Variants in TIAM1 observed in about 807,000 individuals in gnomAD.
TIAM1 encodes TIAM Rac1 associated GEF 1.
In TIAM1, 65 loss-of-function variants were observed where a neutral mutation model predicts 163.5. The ratio of observed to expected loss-of-function variants is 0.40; its 90% CI spans 0.33 to 0.49. The LOEUF is 0.49. Among genes scored for constraint, TIAM1 ranks in the 20% least tolerant of loss-of-function variants. The pLI, the probability that TIAM1 is intolerant of heterozygous loss-of-function variation, is 0.77. For synonymous variants in TIAM1, 833 were observed against 810.1 expected (o/e 1.03, Z -0.48); for missense variants, 1,789 against 2,044.7 (o/e 0.87, Z 2.41).
At chr21:31,241,179 G>A (rs143140102) in intron 6 of TIAM1, among the ~76,000 whole-genome samples, 3 of 152,132 alleles carry the variant, frequency 2.0e-5, no homozygotes, top group African/African-American at 7.2e-5. Flanking sequence ...ACCCAGTCTC[G>A]GGTATGTCTT....
At chr21:31,358,784 T>G (rs1189699642) in intron 2 of TIAM1, among the ~76,000 whole-genome samples, 1 of 152,190 alleles carries the variant, frequency 6.6e-6, no homozygotes, top group Non-Finnish European at 1.5e-5. Context: ...ACTCTTGTCC[T>G]TCTACAATCC....
intron 1 of TIAM1, among the ~76,000 whole-genome samples, chr21:31,511,740 G>C (rs2047216752): frequency 6.6e-6 from 1 of 152,176 alleles, no homozygotes; most frequent in Non-Finnish European, 1.5e-5. Flanking sequence ...ATTCACCAAA[G>C]TTCCAGGAAG....
At chr21:31,311,246 G>T (rs929574968) in intron 2 of TIAM1, among the ~76,000 whole-genome samples, 2 of 152,114 alleles carry the variant, frequency 1.3e-5, no homozygotes, top group African/African-American at 4.8e-5. Flanking sequence ...CCCTCCAAAG[G>T]GGAGCAGGAG....
intron 8 of TIAM1, among the ~76,000 whole-genome samples, chr21:31,221,119 G>T (rs2087531139): frequency 6.6e-6 from 1 of 152,056 alleles, no homozygotes; most frequent in Admixed American, 6.6e-5. Flanking sequence ...AAATCCCAGG[G>T]GTCAAATGAC....
At chr21:31,528,697 C>T (rs1367254809) in intron 1 of TIAM1, among the ~76,000 whole-genome samples, 2 of 149,010 alleles carry the variant, frequency 1.3e-5, no homozygotes, top group Non-Finnish European at 3.0e-5. Context: ...CCCAGCTACT[C>T]GGGAGGCTGA....
At chr21:31,190,601 G>C (rs956785300) in intron 13 of TIAM1, among the ~76,000 whole-genome samples, 2 of 152,244 alleles carry the variant, frequency 1.3e-5, no homozygotes, top group African/African-American at 2.4e-5. Flanking sequence ...AATAGTACTA[G>C]AAGTACCCAG....
intron 2 of TIAM1, among the ~76,000 whole-genome samples, chr21:31,281,857 G>A (rs1042577948): frequency 2.0e-5 from 3 of 152,040 alleles, no homozygotes; most frequent in African/African-American, 7.2e-5. Context: ...TAATTGATGG[G>A]TGGTAGGTGG....
At chr21:31,202,720 A>C (rs2086262688) in intron 12 of TIAM1, among the ~76,000 whole-genome samples, 188 bp downstream of exon 12, 1 of 152,240 alleles carries the variant, frequency 6.6e-6, no homozygotes, top group Non-Finnish European at 1.5e-5. Context: ...TCGTGCGTAA[A>C]CAAAGGTGAT....
At chr21:31,187,298 T>A (rs374394550) in intron 13 of TIAM1, among the ~76,000 whole-genome samples, 3 of 152,354 alleles carry the variant, frequency 2.0e-5, no homozygotes, top group South Asian at 4.1e-4. Context: ...TATGTACGTC[T>A]ATCTTCATAT....
chr21:31,286,450 G>A (rs2073812221), intron 2 of TIAM1, among the ~76,000 whole-genome samples: 2 of 152,034 alleles, frequency 1.3e-5, no homozygotes, highest in Admixed American at 6.6e-5. Flanking sequence ...GCTCATGCCT[G>A]CAATCTTAGC....
At chr21:31,193,570 T>G (rs776412692) in intron 13 of TIAM1, among the ~76,000 whole-genome samples, 11 of 152,184 alleles carry the variant, frequency 7.2e-5, no homozygotes, top group Non-Finnish European at 1.0e-4. Context: ...TCCCCTAGAC[T>G]TCACTCCATG....
intron 2 of TIAM1, among the ~76,000 whole-genome samples, chr21:31,334,080 T>C (rs2075765593): frequency 6.6e-6 from 1 of 152,234 alleles, no homozygotes; most frequent in Non-Finnish European, 1.5e-5. Context: ...CTTATGGCTA[T>C]AGGCTTTTCC....
At position 31,252,053 on chromosome 21, in the gene TIAM1, C is replaced by A. The variant is rs2071841595; in HGVS notation, c.1100G>T (p.Gly367Val). ...YSPTTGRAFV[G>V]SDSGSSSTGD... Reference sequence around the variant, plus strand: ...GGTGGAGCTGCTGCCGCTGTCGCTGCCCACAAAGGCCCGGCCTGTGGTGGG... The same window carrying A: ...GGTGGAGCTGCTGCCGCTGTCGCTGACCACAAAGGCCCGGCCTGTGGTGGG... Residue 367 changes from glycine (G) to valine (V), a missense_variant, in exon 5 of 28, where the codon GGC becomes GTC. Transcript: ENST00000541036. The A allele has an allele frequency of 5.0e-6, 8 of 1,614,078 alleles. No homozygotes were observed. The highest frequency in any genetic ancestry group is 5.1e-6 in the Non-Finnish European group (6 of 1,180,042).
chr21:31,410,384 G>GT (rs755053268), intron 2 of TIAM1, among the ~76,000 whole-genome samples: 5 of 151,922 alleles, frequency 3.3e-5, no homozygotes, highest in Non-Finnish European at 7.4e-5. Context: ...AAGAGTGTGT[G>GT]TGACGGTACG....
chr21:31,173,070 C>A (rs2084591603), intron 15 of TIAM1, among the ~76,000 whole-genome samples: 1 of 152,098 alleles, frequency 6.6e-6, no homozygotes, highest in African/African-American at 2.4e-5. Context: ...CATATTAGTG[C>A]AGTTTACATT....
intron 2 of TIAM1, among the ~76,000 whole-genome samples, chr21:31,434,817 C>G (rs1300116637): frequency 6.6e-6 from 1 of 152,218 alleles, no homozygotes; most frequent in African/African-American, 2.4e-5. Context: ...TCTGTGTTAA[C>G]AGCTTGGCCG....
At chr21:31,469,317 T>C (rs1002647747) in intron 1 of TIAM1, among the ~76,000 whole-genome samples, 1 of 151,692 alleles carries the variant, frequency 6.6e-6, no homozygotes, top group Admixed American at 6.6e-5. Context: ...CCCAGGCTGG[T>C]CTCAAACTCC....
At chr21:31,250,356 T>C (rs753841495) in intron 5 of TIAM1, among the ~76,000 whole-genome samples, 1 of 152,168 alleles carries the variant, frequency 6.6e-6, no homozygotes, top group Non-Finnish European at 1.5e-5. Context: ...CTCTGGCACA[T>C]GCAGCAAAAC....
chr21:31,212,528 T>C (rs1027757579), intron 10 of TIAM1: 2 of 152,016 alleles, frequency 1.3e-5, no homozygotes, highest in African/African-American at 4.8e-5. Context: ...CAAATCAGTA[T>C]TTTTATGGGC....
Sources: allele counts gnomAD v4.1 joint callset (sites outside exome capture counted in the v4.1 genomes callset), GRCh38; gene constraint gnomAD v4.1.1; transcripts MANE v1.5; gene names NCBI Gene and HGNC (gene_info 2026-07-23, HGNC 2026-07-21).